TMEM242: variants seen among roughly 807,000 people sequenced by gnomAD.
TMEM242 encodes the protein transmembrane protein 242.
Under a neutral mutation model 18.2 loss-of-function variants are expected in TMEM242, and 10 were observed. The ratio of observed to expected loss-of-function variants is 0.55; its 90% CI spans 0.34 to 0.93. The LOEUF (loss-of-function observed/expected upper bound fraction) is 0.93. TMEM242 is among the 40% of genes least tolerant of loss of function. The pLI is 0.02. For synonymous variants in TMEM242, 57 were observed against 69.9 expected (o/e 0.81, Z 0.92); for missense variants, 186 against 175.5 (o/e 1.06, Z -0.34).
rs587742560 is a variant in TMEM242 at position 157,296,784 on chromosome 6, G to A, written c.328-3785C>T. On this transcript the variant is annotated intron_variant, in intron 3 of 3. Coordinates refer to ENST00000400788, the MANE Select transcript of TMEM242 (RefSeq NM_018452.6). Reference sequence around the variant, plus strand: ...GACATGAGTATTACTCCCCAGTGCCGTGGGCCCACCATCCTCATTTCTAAG... The same window carrying A: ...GACATGAGTATTACTCCCCAGTGCCATGGGCCCACCATCCTCATTTCTAAG... Among the ~76,000 whole-genome samples, 4 of 152,238 alleles carry A rather than the reference G, an allele frequency of 2.6e-5. No homozygotes were observed. In the East Asian group the frequency reaches 7.7e-4, roughly 29 times the overall value.
Position 157,294,706 on chromosome 6 carries a change from G to A in TMEM242, c.328-1707C>T, listed in dbSNP as rs144303236. Among the ~76,000 whole-genome samples the A allele has an allele frequency of 5.1e-3, 780 of 152,204 alleles. 28 individuals are homozygous for A. In the East Asian group the frequency reaches 0.1, roughly 20 times the overall value. On this transcript the variant is annotated intron_variant, in intron 3 of 3. Coordinates refer to ENST00000400788, the MANE Select transcript of TMEM242 (RefSeq NM_018452.6). ...AATCAGCTAATATTTCTTTAATGTC[G>A]ATGCTTATTTATTTCAATTTGAGGC...
chr6:157,316,976 T>G (rs1287204719), intron 3 of TMEM242, among the ~76,000 whole-genome samples: 1 of 152,370 alleles, frequency 6.6e-6, no homozygotes, highest in Non-Finnish European at 1.5e-5. Context: ...CAGTAATGTT[T>G]ATGTTTGTTT....
chr6:157,310,001 G>A (rs1002190205), intron 3 of TMEM242, among the ~76,000 whole-genome samples: 7 of 152,084 alleles, frequency 4.6e-5, no homozygotes, highest in East Asian at 1.9e-4. Flanking sequence ...ATAGAGCACA[G>A]GTCCACAGAC....
In TMEM242 at chr6:157,291,207, A is replaced by G. The variant is rs587759417; in HGVS notation, c.*1694T>C. The G allele has an allele frequency of 3.9e-5, 6 of 152,374 alleles. No individual in the cohort carries two copies. The South Asian group carries it at 1.2e-3, about 32-fold the overall frequency. The allele number at this position is 152,374 out of a possible 1,614,324, so 9.4% of individuals were successfully genotyped here. A position where few individuals can be genotyped will look rare whatever the true frequency, so the allele number is the denominator to read the frequency against. ...GTGGGCAAGTCTCCTTTCTCCACCC[A>G]GTGGAGGCCTTTAGAAACCACTAGG... On this transcript the variant is annotated 3_prime_UTR_variant, in exon 4 of 4. Transcript: ENST00000400788.
intron 1 of TMEM242, among the ~76,000 whole-genome samples, 165 bp downstream of exon 1, chr6:157,323,247 C>A (rs377248322): frequency 6.6e-6 from 1 of 152,210 alleles, no homozygotes; most frequent in Non-Finnish European, 1.5e-5. Context: ...ACCCAGTAAG[C>A]GACCTACCCT....
intron 3 of TMEM242, among the ~76,000 whole-genome samples, chr6:157,315,605 A>G (rs368885065): frequency 2.8e-4 from 42 of 152,336 alleles, no homozygotes; most frequent in Middle Eastern, 6.8e-3. Context: ...GGCTGAGTAG[A>G]TATTTCCTAC....
At chr6:157,313,079 CACTCACCTGGCCTCATCAAAGTGT>C (rs1778241218) in intron 3 of TMEM242, among the ~76,000 whole-genome samples, 2 of 129,038 alleles carry the variant, frequency 1.5e-5, no homozygotes, top group African/African-American at 2.9e-5. Context: ...TCCCAGTATG[CACTCACCTGGCCTCATCAAAGTGT>C]CCCAGTGTGT....
chr6:157,313,453 G>C (rs373358598), intron 3 of TMEM242, among the ~76,000 whole-genome samples: 16 of 49,786 alleles, frequency 3.2e-4, no homozygotes, highest in Non-Finnish European at 3.9e-4. Context: ...CCCAGTCTGC[G>C]CTCACCTGGC....
intron 3 of TMEM242, among the ~76,000 whole-genome samples, chr6:157,310,830 T>A (rs1554248466): frequency 5.7e-4 from 85 of 150,092 alleles, no homozygotes; most frequent in African/African-American, 1.9e-3. Context: ...TCACCCGGCC[T>A]CATCATAGTG....
intron 3 of TMEM242, among the ~76,000 whole-genome samples, chr6:157,312,435 G>GCGCT (rs1554249252): frequency 1.4e-5 from 1 of 69,334 alleles, no homozygotes; most frequent in East Asian, 4.0e-4. Flanking sequence ...GTCACAGTGT[G>GCGCT]CACTCACCGA....
At position 157,305,770 on chromosome 6, in the gene TMEM242, C is replaced by T. The variant is rs199698383; in HGVS notation, c.328-12771G>A. ...GATGGAGGGGGGGCTCCATTGTGCC[C>T]AAATGTTGCTGGGAGGGCAAGTAAC... On this transcript the variant is annotated intron_variant, in intron 3 of 3. Transcript: ENST00000400788. The surrounding 1 kb of genome is among the most constrained non-coding windows in gnomAD (Gnocchi z 4.1). Among the ~76,000 whole-genome samples, 2 of 146,836 alleles carry T rather than the reference C, an allele frequency of 1.4e-5. No individual in the cohort carries two copies. Among genetic ancestry groups the T allele is most frequent in the East Asian group, 4.1e-4 (2 of 4,866 alleles).
chr6:157,301,942 G>GA (rs781821747), intron 3 of TMEM242, among the ~76,000 whole-genome samples: 1 of 151,926 alleles, frequency 6.6e-6, no homozygotes, highest in East Asian at 1.9e-4. Flanking sequence ...AACAAAAGAA[G>GA]AAAAAAGGCA....
At chr6:157,299,908 G>A in intron 3 of TMEM242, 2 of 1,612,428 alleles carry the variant, frequency 1.2e-6, no homozygotes, top group Non-Finnish European at 1.7e-6. Flanking sequence ...TGGTAGCGCA[G>A]GCCATGCCCA....
At chr6:157,310,803 AGGGTCCCAGT>A (rs1778013901) in intron 3 of TMEM242, among the ~76,000 whole-genome samples, 5 of 150,048 alleles carry the variant, frequency 3.3e-5, no homozygotes, top group Admixed American at 6.6e-5. Context: ...GCCTCATCAT[AGGGTCCCAGT>A]GTGCACTCAC....
At chr6:157,312,904 C>T (rs62425592) in intron 3 of TMEM242, among the ~76,000 whole-genome samples, 1 of 13,430 alleles carries the variant, frequency 7.4e-5, no homozygotes, top group Non-Finnish European at 1.5e-4. Flanking sequence ...TAGTGTCCCA[C>T]TGTGCGCTCA....
At chr6:157,312,919 G>T (rs1554249515) in intron 3 of TMEM242, among the ~76,000 whole-genome samples, 1 of 151,124 alleles carries the variant, frequency 6.6e-6, no homozygotes, top group Non-Finnish European at 1.5e-5. Context: ...CGCTCACCCG[G>T]CATCATCATA....
intron 3 of TMEM242, among the ~76,000 whole-genome samples, chr6:157,314,604 C>G (rs1419159026): frequency 6.6e-6 from 1 of 152,196 alleles, no homozygotes; most frequent in Non-Finnish European, 1.5e-5. Flanking sequence ...TGATTTCTCC[C>G]CATTGTCAAT....
At chr6:157,303,718 A>G (rs587767171) in intron 3 of TMEM242, among the ~76,000 whole-genome samples, 23 of 152,224 alleles carry the variant, frequency 1.5e-4, no homozygotes, top group African/African-American at 5.3e-4. Flanking sequence ...ACCAGCATGA[A>G]CACAATTATT....
At chr6:157,320,735 T>C (rs1554250663) in intron 2 of TMEM242, among the ~76,000 whole-genome samples, 2 of 152,168 alleles carry the variant, frequency 1.3e-5, no homozygotes, top group African/African-American at 4.8e-5. Flanking sequence ...CCTCCCAAAG[T>C]GCTGGGATAA....
Sources: allele counts gnomAD v4.1 joint callset (sites outside exome capture counted in the v4.1 genomes callset), GRCh38; gene constraint gnomAD v4.1.1; non-coding constraint Gnocchi (gnomAD v3.1); transcripts MANE v1.5; gene names NCBI Gene and HGNC (gene_info 2026-07-23, HGNC 2026-07-21).